Variants in CMTM8 observed in about 807,000 individuals in gnomAD.
The protein encoded by CMTM8 is CKLF-like MARVEL transmembrane domain-containing protein 8.
A neutral mutation model predicts 18.6 loss-of-function variants in CMTM8; 12 were observed. The ratio of observed to expected loss-of-function variants is 0.65; its 90% CI spans 0.41 to 1.05. The LOEUF (loss-of-function observed/expected upper bound fraction) is 1.05. CMTM8 is among the 50% of genes least tolerant of loss of function. The pLI, the probability that CMTM8 is intolerant of heterozygous loss-of-function variation, is 0.00. For missense variants in CMTM8, 217 were observed against 227.2 expected (o/e 0.95, Z 0.29); for synonymous variants, 87 against 90.6 (o/e 0.96, Z 0.23).
At chr3:32,273,418 G>C (rs12330263) in intron 1 of CMTM8, among the ~76,000 whole-genome samples, 31,947 of 151,946 alleles carry the variant, frequency 0.21, 3,553 homozygotes, top group East Asian at 0.46. Flanking sequence ...TTCATAATAG[G>C]CAAAAGGTAG....
chr3:32,327,850 A>C (rs770723277), intron 1 of CMTM8, among the ~76,000 whole-genome samples: 10 of 152,264 alleles, frequency 6.6e-5, no homozygotes, highest in Admixed American at 2.0e-4. Context: ...TAATCAGTGA[A>C]TATGAGAACC....
chr3:32,297,469 C>T (rs1240919227), intron 1 of CMTM8, among the ~76,000 whole-genome samples: 4 of 152,124 alleles, frequency 2.6e-5, no homozygotes, highest in African/African-American at 7.2e-5. Context: ...CGTGAGCCAC[C>T]GTGCCTGGCC....
chr3:32,249,454 ATTGAAGC>A (rs967049216), intron 1 of CMTM8, among the ~76,000 whole-genome samples: 4 of 150,522 alleles, frequency 2.7e-5, no homozygotes, highest in African/African-American at 9.8e-5. Context: ...AAAAAAAAAA[ATTGAAGC>A]ACTGCTAGAC....
At chr3:32,293,691 C>T (rs1297833809) in intron 1 of CMTM8, among the ~76,000 whole-genome samples, 1 of 148,278 alleles carries the variant, frequency 6.7e-6, no homozygotes, top group Non-Finnish European at 1.5e-5. Flanking sequence ...ACTAAAAATA[C>T]AAAAATTAGC....
intron 1 of CMTM8, among the ~76,000 whole-genome samples, chr3:32,262,761 GTAGGCTTATTTC>G (rs1469632802): frequency 6.6e-6 from 1 of 152,316 alleles, no homozygotes; most frequent in East Asian, 1.9e-4. Flanking sequence ...TTGGGTTACT[GTAGGCTTATTTC>G]TTCCCTTTTT....
chr3:32,367,629 T>C (rs946817330), intron 2 of CMTM8, among the ~76,000 whole-genome samples: 1 of 151,942 alleles, frequency 6.6e-6, no homozygotes, highest in African/African-American at 2.4e-5. Flanking sequence ...GCAAAATGAC[T>C]GAAGGGGCGG....
At chr3:32,355,152 GA>G (rs1036306427) in intron 1 of CMTM8, among the ~76,000 whole-genome samples, 10 of 152,046 alleles carry the variant, frequency 6.6e-5, no homozygotes, top group African/African-American at 2.2e-4. Context: ...ATGTCCCTTG[GA>G]AACCTGTCTG....
intron 1 of CMTM8, among the ~76,000 whole-genome samples, chr3:32,331,226 A>G (rs879816065): frequency 6.6e-6 from 1 of 152,248 alleles, no homozygotes; most frequent in Non-Finnish European, 1.5e-5. Flanking sequence ...GAGCAATATT[A>G]CCAGTCATTA....
At chr3:32,313,693 A>G (rs2125571651) in intron 1 of CMTM8, among the ~76,000 whole-genome samples, 1 of 152,336 alleles carries the variant, frequency 6.6e-6, no homozygotes, top group African/African-American at 2.4e-5. Context: ...CTGGGGGTTT[A>G]GTGCTCTGGA....
At chr3:32,364,642 A>G (rs1482682047) in intron 2 of CMTM8, among the ~76,000 whole-genome samples, 1 of 152,228 alleles carries the variant, frequency 6.6e-6, no homozygotes, top group African/African-American at 2.4e-5. Context: ...TCCTTCCCAA[A>G]TGTTCACTTA....
chr3:32,358,826 GT>G lies in CMTM8; in HGVS notation c.321+1284del, dbSNP rs999713072. ...TGGAAACAGCCTTGTTAGAATTGGTGTTTTGCTGCCTCAGATGGGCATCAGG... is the reference window on the plus strand; with the variant it reads ...TGGAAACAGCCTTGTTAGAATTGGTGTTTGCTGCCTCAGATGGGCATCAGG... On this transcript the variant is annotated intron_variant, in intron 2 of 3. Coordinates refer to ENST00000307526, the MANE Select transcript of CMTM8 (RefSeq NM_178868.5). This position sits in a 1 kb window ranked among gnomAD's most constrained non-coding sequence, Gnocchi z 4.1. Among the ~76,000 whole-genome samples, 1 of 152,210 alleles carries G rather than the reference GT, an allele frequency of 6.6e-6. No individual in the cohort carries two copies. The highest frequency in any genetic ancestry group is 1.5e-5 in the Non-Finnish European group (1 of 68,042).
At chr3:32,335,851 A>G (rs1696375583) in intron 1 of CMTM8, among the ~76,000 whole-genome samples, 1 of 152,188 alleles carries the variant, frequency 6.6e-6, no homozygotes, top group Non-Finnish European at 1.5e-5. Flanking sequence ...GGAGACTTGC[A>G]GGGCGGGAGA....
At chr3:32,339,710 TC>T (rs1029305252) in intron 1 of CMTM8, among the ~76,000 whole-genome samples, 7 of 152,060 alleles carry the variant, frequency 4.6e-5, no homozygotes, top group African/African-American at 1.7e-4. Flanking sequence ...ATGCCTGTAA[TC>T]CCAGCACTTT....
intron 1 of CMTM8, among the ~76,000 whole-genome samples, chr3:32,271,064 A>G (rs1377460481): frequency 5.3e-5 from 8 of 152,216 alleles, no homozygotes; most frequent in African/African-American, 1.9e-4. Context: ...ATAGAACATT[A>G]CCATATTTCA....
At chr3:32,297,620 C>G (rs1409467112) in intron 1 of CMTM8, among the ~76,000 whole-genome samples, 1 of 151,972 alleles carries the variant, frequency 6.6e-6, no homozygotes, top group Admixed American at 6.6e-5. Flanking sequence ...CGCAGACACT[C>G]CAGGCTGCTT....
chr3:32,254,116 A>T (rs1702147111), intron 1 of CMTM8, among the ~76,000 whole-genome samples: 1 of 151,970 alleles, frequency 6.6e-6, no homozygotes, highest in African/African-American at 2.4e-5. Flanking sequence ...CTGGTCTCAA[A>T]CTCCTGACCT....
rs1696789798 is a variant in CMTM8, at chr3:32,355,118, G to T, written c.148-2255G>T. On this transcript the variant is annotated intron_variant, in intron 1 of 3. Coordinates refer to ENST00000307526, the MANE Select transcript of CMTM8 (RefSeq NM_178868.5). Reference sequence around the variant, plus strand: ...GCACCAAAACTGTACCAGGAAAGTGGCTTCTCTCGGGAAGCAGTTTAACAT... The same window carrying T: ...GCACCAAAACTGTACCAGGAAAGTGTCTTCTCTCGGGAAGCAGTTTAACAT... Among the ~76,000 whole-genome samples, 5 of 152,192 alleles carry T rather than the reference G, an allele frequency of 3.3e-5. No individual in the cohort carries two copies. In the South Asian group the frequency reaches 8.3e-4, roughly 25 times the overall value.
intron 1 of CMTM8, among the ~76,000 whole-genome samples, chr3:32,276,409 A>T (rs974339784): frequency 3.3e-5 from 5 of 152,158 alleles, no homozygotes; most frequent in Non-Finnish European, 1.5e-5. Flanking sequence ...AATGCCGTGG[A>T]TATTTCCTTG....
At chr3:32,249,792 A>G (rs1387337120) in intron 1 of CMTM8, among the ~76,000 whole-genome samples, 1 of 152,188 alleles carries the variant, frequency 6.6e-6, no homozygotes, top group East Asian at 1.9e-4. Flanking sequence ...CCCTTATCAG[A>G]TATATGATTT....
Sources: gnomAD v4.1 joint callset for allele counts (sites outside exome capture counted in the v4.1 genomes callset) on GRCh38, gnomAD v4.1.1 for gene constraint, Gnocchi (gnomAD v3.1) non-coding constraint, MANE v1.5 for transcripts, NCBI Gene and HGNC (gene_info 2026-07-23, HGNC 2026-07-21) for gene names.